RASSF3: variants seen among roughly 807,000 people sequenced by gnomAD.
RASSF3 encodes ras association domain-containing protein 3.
In RASSF3, 19 loss-of-function variants were observed where a neutral mutation model predicts 19.9. The observed-to-expected ratio is 0.96, with a 90% CI of 0.67 to 1.40. The LOEUF is 1.40. RASSF3 is among the 40% of genes most tolerant of loss of function. The pLI, the probability that RASSF3 is intolerant of heterozygous loss-of-function variation, is 0.00. For missense variants in RASSF3, 306 were observed against 289.8 expected, an observed-to-expected ratio of 1.06 and a Z score of -0.41; for synonymous variants, 110 against 104.2, an observed-to-expected ratio of 1.06 and a Z score of -0.34.
At chr12:64,637,769 G>T (rs1179579792) in intron 1 of RASSF3, among the ~76,000 whole-genome samples, 1 of 151,412 alleles carries the variant, frequency 6.6e-6, no homozygotes, top group Non-Finnish European at 1.5e-5. Flanking sequence ...CAAAGTGTGT[G>T]TATGTGACTG....
chr12:64,672,705 G>A lies in RASSF3; in HGVS notation c.112-12082G>A, dbSNP rs1565867398. Among the ~76,000 whole-genome samples the A allele has an allele frequency of 2.0e-5, 3 of 151,996 alleles. No individual in the cohort carries two copies. In the South Asian group the frequency reaches 6.2e-4, roughly 32 times the overall value. ...TTTTATTTTTTGTTCAGACGGTGGG[G>A]AGGCTCTTGCTGTGTTGCCCAAGCT... On this transcript the variant is annotated intron_variant, in intron 1 of 4. Transcript: ENST00000542104.
intron 1 of RASSF3, among the ~76,000 whole-genome samples, chr12:64,541,429 G>A (rs557746237): frequency 6.6e-6 from 1 of 152,346 alleles, no homozygotes. Context: ...TCTGCCTTGT[G>A]AACAGATGGG....
intron 1 of RASSF3, among the ~76,000 whole-genome samples, chr12:64,614,466 G>A (rs1274419375): frequency 6.6e-6 from 1 of 151,946 alleles, no homozygotes; most frequent in African/African-American, 2.4e-5. Flanking sequence ...GTATCTTATG[G>A]TGCTCCCAAA....
upstream of RASSF3, among the ~76,000 whole-genome samples, chr12:64,608,119 T>A (rs1426289762): frequency 6.6e-6 from 1 of 150,620 alleles, no homozygotes; most frequent in East Asian, 2.0e-4. Context: ...AAGGTCTCAC[T>A]ATGTTGGTCA....
intron 3 of RASSF3, 56 bp downstream of exon 3, chr12:64,688,509 C>A: frequency 1.6e-6 from 2 of 1,243,430 alleles, no homozygotes; most frequent in Non-Finnish European, 2.4e-6. Context: ...ATCTGCTGTT[C>A]TCATTAGCAG....
chr12:64,526,349 G>A (rs980965245), intron 1 of RASSF3, among the ~76,000 whole-genome samples: 7 of 152,134 alleles, frequency 4.6e-5, no homozygotes, highest in Middle Eastern at 3.4e-3. Flanking sequence ...CAATTTTCAA[G>A]TATAGGATAC....
At chr12:64,517,305 T>C (rs113463322) in intron 1 of RASSF3, among the ~76,000 whole-genome samples, 3,553 of 99,762 alleles carry the variant, frequency 0.036, 129 homozygotes, top group African/African-American at 0.12. Flanking sequence ...TGATATTAAT[T>C]CCTCCCCCCC....
chr12:64,545,227 T>A (rs1193525442), downstream of RASSF3, among the ~76,000 whole-genome samples: 5 of 152,174 alleles, frequency 3.3e-5, no homozygotes, highest in Non-Finnish European at 5.9e-5. Context: ...AATAGAGGTA[T>A]TATGAGCAGC....
At chr12:64,641,414 A>ACACACACGCGCGCGCGCGCG in intron 1 of RASSF3, among the ~76,000 whole-genome samples, 22 of 142,100 alleles carry the variant, frequency 1.5e-4, no homozygotes, top group African/African-American at 6.2e-4. Context: ...ACACACACAC[A>ACACACACGCGCGCGCGCGCG]CGCGCGCGCG....
intron 2 of RASSF3, among the ~76,000 whole-genome samples, chr12:64,564,780 G>GT (rs1869401516): frequency 1.4e-5 from 2 of 147,558 alleles, no homozygotes; most frequent in East Asian, 2.0e-4. Context: ...GGTGTTTTTT[G>GT]TTTTTTGTTT....
intron 1 of RASSF3, among the ~76,000 whole-genome samples, chr12:64,647,366 G>C (rs1871772019): frequency 3.3e-5 from 5 of 151,686 alleles, no homozygotes; most frequent in African/African-American, 1.2e-4. Flanking sequence ...TTCCTGAGCA[G>C]CTGGGATTGC....
chr12:64,563,638 G>A (rs774780535), intron 2 of RASSF3, among the ~76,000 whole-genome samples: 4 of 152,064 alleles, frequency 2.6e-5, no homozygotes, highest in African/African-American at 7.2e-5. Flanking sequence ...ACTATACACC[G>A]CCAGCTCTGC....
chr12:64,669,727 CCG>C (rs962688474), intron 1 of RASSF3, among the ~76,000 whole-genome samples: 1 of 151,772 alleles, frequency 6.6e-6, no homozygotes. Context: ...GGGCCACTGA[CCG>C]CAGTGCTGAG....
chr12:64,648,544 A>G (rs562790496), intron 1 of RASSF3, among the ~76,000 whole-genome samples: 1 of 150,808 alleles, frequency 6.6e-6, no homozygotes, highest in Admixed American at 6.6e-5. Flanking sequence ...GAGATGGAGC[A>G]CGTTCCTGGC....
At chr12:64,567,280 C>T (rs1869447697) in intron 2 of RASSF3, among the ~76,000 whole-genome samples, 1 of 152,100 alleles carries the variant, frequency 6.6e-6, no homozygotes, top group Non-Finnish European at 1.5e-5. Flanking sequence ...CAGCAACTCT[C>T]TTACCTGAAC....
chr12:64,585,272 T>G (rs1869775703), intron 2 of RASSF3, among the ~76,000 whole-genome samples: 3 of 152,182 alleles, frequency 2.0e-5, no homozygotes, highest in African/African-American at 7.2e-5. Flanking sequence ...TACCAAGCCT[T>G]AGAAGGCCCT....
At chr12:64,672,041 CTATTTT>C (rs895826161) in intron 1 of RASSF3, among the ~76,000 whole-genome samples, 1 of 152,014 alleles carries the variant, frequency 6.6e-6, no homozygotes, top group Non-Finnish European at 1.5e-5. Context: ...TTACATTTGT[CTATTTT>C]TATTTATTTA....
At chr12:64,626,488 C>CAAAAAAAAA (rs36122537) in intron 1 of RASSF3, among the ~76,000 whole-genome samples, 1 of 76,842 alleles carries the variant, frequency 1.3e-5, no homozygotes, top group Non-Finnish European at 2.7e-5. Flanking sequence ...ACTCTTGTCT[C>CAAAAAAAAA]AAAAAAAAAA....
chr12:64,507,907 C>T (rs1263425740), intron 1 of RASSF3, among the ~76,000 whole-genome samples: 1 of 152,124 alleles, frequency 6.6e-6, no homozygotes, highest in African/African-American at 2.4e-5. Flanking sequence ...ATGCAAGGGT[C>T]AGAGGAGAGG....
Sources: allele counts gnomAD v4.1 joint callset (sites outside exome capture counted in the v4.1 genomes callset), GRCh38; gene constraint gnomAD v4.1.1; transcripts MANE v1.5; gene names NCBI Gene and HGNC (gene_info 2026-07-23, HGNC 2026-07-21).